Variants in TPST1 observed in about 807,000 individuals in gnomAD.
TPST1 encodes tyrosylprotein sulfotransferase 1.
In TPST1, 20 loss-of-function variants were observed where a neutral mutation model predicts 34.8. The ratio of observed to expected loss-of-function variants is 0.57; its 90% CI spans 0.40 to 0.84. The LOEUF is 0.84. TPST1 is among the 40% of genes least tolerant of loss of function. TPST1 has a pLI of 0.00. For missense variants in TPST1, 353 were observed against 455.5 expected (o/e 0.78, Z 2.05); for synonymous variants, 152 against 159.4 (o/e 0.95, Z 0.35).
chr7:66,199,717 C>CT, the TPST1 span, among the ~76,000 whole-genome samples: 125,115 of 143,414 alleles, frequency 0.87, 54,656 homozygotes, highest in African/African-American at 0.92. Flanking sequence ...ATTTGTGTCC[C>CT]TTTTTTTTTT....
chr7:66,227,042 T>TTTTTTTTA (rs1789672455), intron 1 of TPST1, among the ~76,000 whole-genome samples: 1 of 130,712 alleles, frequency 7.7e-6, no homozygotes, highest in African/African-American at 3.0e-5. Context: ...TTTTTTTTTT[T>TTTTTTTTA]TTTTTTTTTG....
At chr7:66,334,963 GCAGGGCACTGA>G (rs1385773881) in intron 3 of TPST1, among the ~76,000 whole-genome samples, 5 of 152,170 alleles carry the variant, frequency 3.3e-5, no homozygotes, top group African/African-American at 1.2e-4. Context: ...GGGACAAAGA[GCAGGGCACTGA>G]TTGTAGCAAC....
At chr7:66,248,557 G>A (rs561628656) in intron 2 of TPST1, among the ~76,000 whole-genome samples, 122 of 141,816 alleles carry the variant, frequency 8.6e-4, no homozygotes, top group Non-Finnish European at 1.7e-3. Flanking sequence ...GGGCTGGAGT[G>A]CAATGGCATG....
intron 1 of TPST1, among the ~76,000 whole-genome samples, chr7:66,227,028 C>CGTTTTTTTTTTTTTTTTT (rs1789669914): frequency 1.4e-5 from 1 of 69,200 alleles, no homozygotes; most frequent in African/African-American, 6.7e-5. Flanking sequence ...TTAAAATAAG[C>CGTTTTTTTTTTTTTTTTT]TTTTTTTTTT....
rs191814172 is a variant in TPST1 at position 66,283,069 on chromosome 7, G to A, written c.846-3442G>A. Reference sequence around the variant, plus strand: ...AGATCACCTGAGGTCAGGAGTTCAAGACCAGCCTGGCCAATGTGGCAAAAC... The same window carrying A: ...AGATCACCTGAGGTCAGGAGTTCAAAACCAGCCTGGCCAATGTGGCAAAAC... On this transcript the variant is annotated intron_variant, in intron 2 of 5. Coordinates refer to ENST00000304842, the MANE Select transcript of TPST1 (RefSeq NM_003596.4). 4.3e-4 allele frequency among the ~76,000 whole-genome samples: 65 copies of A among 152,236 alleles called. No homozygotes were observed. In the East Asian group the frequency reaches 9.3e-3, roughly 22 times the overall value.
At chr7:66,199,068 C>G in the TPST1 span, among the ~76,000 whole-genome samples, 1 of 152,152 alleles carries the variant, frequency 6.6e-6, no homozygotes, top group Non-Finnish European at 1.5e-5. Flanking sequence ...CTGGAGTCCT[C>G]TCCTGGAGTC....
At chr7:66,199,041 G>A in the TPST1 span, among the ~76,000 whole-genome samples, 44 of 152,210 alleles carry the variant, frequency 2.9e-4, no homozygotes, top group East Asian at 9.7e-4. Flanking sequence ...TCAGTTCTCC[G>A]TCAAAGATCT....
At chr7:66,330,305 C>T (rs1430377380) in intron 3 of TPST1, among the ~76,000 whole-genome samples, 1 of 152,162 alleles carries the variant, frequency 6.6e-6, no homozygotes, top group Admixed American at 6.5e-5. Flanking sequence ...AGAAGGGGCT[C>T]TGAAGATGGG....
chr7:66,199,949 C>T, the TPST1 span, among the ~76,000 whole-genome samples: 1 of 151,902 alleles, frequency 6.6e-6, no homozygotes, highest in Non-Finnish European at 1.5e-5. Context: ...CCAGGATGGT[C>T]TTGATCTCCT....
At chr7:66,299,147 T>TTAGAAA (rs1311385601) in intron 3 of TPST1, among the ~76,000 whole-genome samples, 42 of 151,342 alleles carry the variant, frequency 2.8e-4, no homozygotes, top group Admixed American at 1.3e-3. Flanking sequence ...AAAATCCAGA[T>TTAGAAA]AGTAAATATA....
intron 3 of TPST1, among the ~76,000 whole-genome samples, chr7:66,316,499 T>C (rs899550116): frequency 6.6e-6 from 1 of 152,376 alleles, no homozygotes; most frequent in East Asian, 1.9e-4. Flanking sequence ...ATCATTGGTC[T>C]GTAAATAACT....
chr7:66,299,656 T>G (rs1465053103), intron 3 of TPST1, among the ~76,000 whole-genome samples: 3 of 152,174 alleles, frequency 2.0e-5, no homozygotes, highest in African/African-American at 7.2e-5. Flanking sequence ...TCTTTTTCTG[T>G]GTCCAGTCTG....
At chr7:66,333,949 G>A (rs889862830) in intron 3 of TPST1, among the ~76,000 whole-genome samples, 1 of 152,136 alleles carries the variant, frequency 6.6e-6, no homozygotes, top group East Asian at 1.9e-4. Context: ...AATATGGAAA[G>A]CTAATATAAA....
At chr7:66,282,434 T>C (rs143502171) in intron 2 of TPST1, among the ~76,000 whole-genome samples, 40 of 152,346 alleles carry the variant, frequency 2.6e-4, no homozygotes, top group African/African-American at 8.2e-4. Context: ...CTAGTAAAAC[T>C]TTATTTACAT....
chr7:66,351,918 G>T (rs1792487444), intron 3 of TPST1, among the ~76,000 whole-genome samples: 1 of 152,038 alleles, frequency 6.6e-6, no homozygotes, highest in Non-Finnish European at 1.5e-5. Context: ...TTATCATAAA[G>T]ATTCCTAATT....
intron 1 of TPST1, among the ~76,000 whole-genome samples, chr7:66,213,112 G>T (rs1376618947): frequency 6.6e-6 from 1 of 152,144 alleles, no homozygotes; most frequent in African/African-American, 2.4e-5. Flanking sequence ...CCACATCTGA[G>T]AAGTTTTCAG....
At chr7:66,263,424 A>C (rs10276077) in intron 2 of TPST1, among the ~76,000 whole-genome samples, 3 of 151,954 alleles carry the variant, frequency 2.0e-5, no homozygotes, top group African/African-American at 7.3e-5. Context: ...TCAGTTTCTC[A>C]TACTAGTCTC....
intron 1 of TPST1, among the ~76,000 whole-genome samples, chr7:66,229,367 C>T (rs1241596563): frequency 6.6e-6 from 1 of 152,208 alleles, no homozygotes; most frequent in African/African-American, 2.4e-5. Flanking sequence ...GCCTCGGCCT[C>T]CCAAAATGCT....
chr7:66,348,665 C>G (rs1394069510), intron 3 of TPST1, among the ~76,000 whole-genome samples: 1 of 152,168 alleles, frequency 6.6e-6, no homozygotes, highest in Non-Finnish European at 1.5e-5. Flanking sequence ...AAACATTAAC[C>G]AAAGGAAATT....
Sources: gnomAD v4.1 joint callset for allele counts (sites outside exome capture counted in the v4.1 genomes callset) on GRCh38, gnomAD v4.1.1 for gene constraint, MANE v1.5 for transcripts, NCBI Gene and HGNC (gene_info 2026-07-23, HGNC 2026-07-21) for gene names.